Variants in MAP2K5 observed in about 807,000 individuals in gnomAD.
MAP2K5 encodes the protein mitogen-activated protein kinase kinase 5.
MAP2K5 carries 49 observed loss-of-function variants against 83.1 expected under a neutral mutation model. The ratio of observed to expected loss-of-function variants is 0.59; its 90% CI spans 0.47 to 0.75. MAP2K5 has a LOEUF of 0.75. Ranked by LOEUF, MAP2K5 falls within the 30% of genes least tolerant of loss-of-function variation. The probability of loss-of-function intolerance (pLI) is 0.00; values close to 1 mark genes in which losing one functional copy is unlikely to be tolerated. For synonymous variants in MAP2K5, 202 were observed against 191.8 expected (o/e 1.05, Z -0.44); for missense variants, 457 against 557.5 (o/e 0.82, Z 1.82).
chr15:67,671,301 A>G (rs576843031), intron 13 of MAP2K5, among the ~76,000 whole-genome samples: 1 of 152,330 alleles, frequency 6.6e-6, no homozygotes, highest in African/African-American at 2.4e-5. Flanking sequence ...AATAATAACA[A>G]TAATGACTAT....
At chr15:67,630,497 A>G (rs1046425979) in intron 8 of MAP2K5, among the ~76,000 whole-genome samples, 1 of 152,232 alleles carries the variant, frequency 6.6e-6, no homozygotes, top group Admixed American at 6.5e-5. Context: ...ACACTGCTTA[A>G]CATAGAGCTA....
intron 9 of MAP2K5, among the ~76,000 whole-genome samples, chr15:67,643,120 G>A (rs1404335077): frequency 6.6e-6 from 1 of 151,956 alleles, no homozygotes; most frequent in Non-Finnish European, 1.5e-5. Context: ...TTTTTCAAGT[G>A]CCCTAGGTAT....
chr15:67,691,381 T>C (rs973097749), intron 13 of MAP2K5, among the ~76,000 whole-genome samples: 2 of 152,224 alleles, frequency 1.3e-5, no homozygotes, highest in East Asian at 1.9e-4. Flanking sequence ...TATGATTCAG[T>C]AATAGTTACT....
intron 16 of MAP2K5, among the ~76,000 whole-genome samples, chr15:67,712,777 G>C (rs767043841): frequency 1.9e-4 from 29 of 152,142 alleles, no homozygotes; most frequent in Non-Finnish European, 3.4e-4. Context: ...AATTAGCTGG[G>C]TGTGGTGGCA....
chr15:67,626,475 C>T (rs1043166296), intron 8 of MAP2K5, among the ~76,000 whole-genome samples: 4 of 151,798 alleles, frequency 2.6e-5, no homozygotes, highest in African/African-American at 4.8e-5. Flanking sequence ...TGCAGTGAGC[C>T]GAGATTGTGC....
At chr15:67,627,763 A>T (rs1018196522) in intron 8 of MAP2K5, 34 of 329,658 alleles carry the variant, frequency 1.0e-4, no homozygotes, top group Non-Finnish European at 1.7e-4. Flanking sequence ...TTATATCTCA[A>T]TAAAGCTGTT....
intron 16 of MAP2K5, among the ~76,000 whole-genome samples, chr15:67,712,278 C>T (rs377306013): frequency 6.6e-6 from 1 of 152,202 alleles, no homozygotes; most frequent in African/African-American, 2.4e-5. Flanking sequence ...AAGATCCAGA[C>T]GTTTGGAGTT....
chr15:67,691,752 T>C (rs184483196), intron 13 of MAP2K5, among the ~76,000 whole-genome samples: 16 of 152,316 alleles, frequency 1.1e-4, no homozygotes, highest in African/African-American at 3.8e-4. Context: ...AGAAATCCTT[T>C]GTGTCATTAC....
At position 67,683,030 on chromosome 15, in the gene MAP2K5, A is replaced by G. The variant is rs565939371; in HGVS notation, c.848-9449A>G. On this transcript the variant is annotated intron_variant, in intron 13 of 21. Transcript: ENST00000178640. The stretch of plus-strand genomic sequence containing the variant: ...GTGGCAGTCTCCTGTAATCTCAGAG[A>G]CTCGGGAGGCTGAGGAAGGAGAATC... 4.6e-5 allele frequency among the ~76,000 whole-genome samples: 7 copies of G among 151,934 alleles called. No homozygotes were observed. The East Asian group carries it at 1.4e-3, about 29-fold the overall frequency.
At chr15:67,682,871 G>A (rs1048695395) in intron 13 of MAP2K5, among the ~76,000 whole-genome samples, 9 of 151,684 alleles carry the variant, frequency 5.9e-5, no homozygotes, top group African/African-American at 1.9e-4. Context: ...TGGGTGCAGT[G>A]GCTCATGCTT....
intron 7 of MAP2K5, among the ~76,000 whole-genome samples, chr15:67,596,689 T>A (rs1170477407): frequency 3.3e-5 from 5 of 152,232 alleles, no homozygotes; most frequent in Non-Finnish European, 7.3e-5. Context: ...GTTTCTTTTA[T>A]GGCCCCTGCC....
intron 8 of MAP2K5, among the ~76,000 whole-genome samples, chr15:67,606,344 C>T (rs1489099511): frequency 6.6e-6 from 1 of 152,184 alleles, no homozygotes. Flanking sequence ...AATTTTCTAT[C>T]TCCAGCTCCT....
At chr15:67,588,523 G>A (rs2085332331) in intron 6 of MAP2K5, among the ~76,000 whole-genome samples, 1 of 152,148 alleles carries the variant, frequency 6.6e-6, no homozygotes, top group South Asian at 2.1e-4. Flanking sequence ...ACTATTTGAG[G>A]GCAGTGACTG....
In MAP2K5 at chr15:67,586,873, C is replaced by T. The variant is rs551083005; in HGVS notation, c.391C>T (p.His131Tyr). ...GAATACTCGGGCCGGACCCTCTCAA[C>T]ACAGCAGCCCAGCAGTCTCAGATTC... Reference protein sequence around the residue: ...KVNTRAGPSQHSSPAVSDSLP... With the variant: ...KVNTRAGPSQYSSPAVSDSLP... The change falls in exon 6 of 22, where the codon CAC (histidine) becomes TAC (tyrosine). Residue 131 changes from histidine (H) to tyrosine (Y), a missense_variant. Coordinates refer to ENST00000178640, the MANE Select transcript of MAP2K5 (RefSeq NM_145160.3). The T allele has an allele frequency of 6.2e-7, 1 of 1,614,160 alleles. No individual in the cohort carries two copies. Among genetic ancestry groups the T allele is most frequent in the African/African-American group, 1.3e-5 (1 of 75,032 alleles).
intron 7 of MAP2K5, among the ~76,000 whole-genome samples, chr15:67,597,258 G>A (rs777765969): frequency 2.0e-5 from 3 of 151,534 alleles, no homozygotes; most frequent in Non-Finnish European, 4.4e-5. Flanking sequence ...TTAAAGAGCT[G>A]TGTGATTTTA....
intron 8 of MAP2K5, among the ~76,000 whole-genome samples, chr15:67,616,057 G>C (rs1038460913): frequency 5.3e-5 from 8 of 152,040 alleles, no homozygotes; most frequent in African/African-American, 1.7e-4. Flanking sequence ...TTTTGTTTTA[G>C]TTTTCCTTTG....
chr15:67,596,965 A>C lies in MAP2K5; in HGVS notation c.481-3720A>C, dbSNP rs568697995. On this transcript the variant is annotated intron_variant, in intron 7 of 21. Coordinates refer to ENST00000178640, the MANE Select transcript of MAP2K5 (RefSeq NM_145160.3). ...GTCGGGCGGATCACGAGGTCAGGAG[A>C]TCAAGACCATCCTGGCTAACATGGT... Among the ~76,000 whole-genome samples, 4 of 152,154 alleles carry C rather than the reference A, an allele frequency of 2.6e-5. No homozygotes were observed. The East Asian group carries it at 7.7e-4, about 29-fold the overall frequency.
rs1240313202 is a variant in MAP2K5, at chr15:67,757,098, A to G, written c.1134+8497A>G. The stretch of plus-strand genomic sequence containing the variant: ...TGAATCATAGCGTAGTTCTTTTTTT[A>G]GTTTTTTGAGGAACCTCCTCCATGC... On this transcript the variant is annotated intron_variant, in intron 19 of 21. Coordinates refer to ENST00000178640, the MANE Select transcript of MAP2K5 (RefSeq NM_145160.3). This position sits in a 1 kb window ranked among gnomAD's most constrained non-coding sequence, Gnocchi z 4.9. 1.3e-5 allele frequency among the ~76,000 whole-genome samples: 2 copies of G among 151,520 alleles called. No individual in the cohort carries two copies. Among genetic ancestry groups the G allele is most frequent in the Non-Finnish European group, 2.9e-5 (2 of 67,866 alleles).
intron 17 of MAP2K5, among the ~76,000 whole-genome samples, chr15:67,743,694 G>T (rs1200732415): frequency 6.6e-6 from 1 of 152,186 alleles, no homozygotes; most frequent in East Asian, 1.9e-4. Flanking sequence ...AAGTTATAAT[G>T]GATTGGAGGT....
Sources: allele counts gnomAD v4.1 joint callset (sites outside exome capture counted in the v4.1 genomes callset), GRCh38; gene constraint gnomAD v4.1.1; non-coding constraint Gnocchi (gnomAD v3.1); transcripts MANE v1.5; gene names NCBI Gene and HGNC (gene_info 2026-07-23, HGNC 2026-07-21).